Variants in PRKAG3 observed in about 807,000 individuals in gnomAD.
The protein encoded by PRKAG3 is protein kinase AMP-activated non-catalytic subunit gamma 3, also known as 5'-AMP-activated protein kinase subunit gamma-3.
PRKAG3 carries 39 observed loss-of-function variants against 56.5 expected under a neutral mutation model. The ratio of observed to expected loss-of-function variants is 0.69; its 90% CI spans 0.53 to 0.90. PRKAG3 has a LOEUF of 0.90. Ranked by LOEUF, PRKAG3 falls within the 40% of genes least tolerant of loss-of-function variation. The pLI, the probability that PRKAG3 is intolerant of heterozygous loss-of-function variation, is 0.00. For synonymous variants in PRKAG3, 243 were observed against 250.1 expected, an observed-to-expected ratio of 0.97 and a Z score of 0.27; for missense variants, 628 against 627.5, an observed-to-expected ratio of 1.00 and a Z score of -0.01.
Position 218,827,508 on chromosome 2 carries a change from G to A in PRKAG3, c.875+67C>T. ...CCTAGGATGAAGAGGTGAGTTCAGA[G>A]CTGAGTGGGACTGGGGAAGGGGACT... On this transcript the variant is annotated intron_variant, in intron 8 of 12. Coordinates refer to ENST00000529249, the Ensembl canonical transcript of PRKAG3. The surrounding 1 kb of genome is among the most constrained non-coding windows in gnomAD (Gnocchi z 5.3). 1 of 1,600,916 alleles carries A rather than the reference G, an allele frequency of 6.2e-7. No individual in the cohort carries two copies. Among genetic ancestry groups the A allele is most frequent in the Non-Finnish European group, 8.6e-7 (1 of 1,168,284 alleles).
At chr2:218,828,634 C>A (rs770940027) in intron 4 of PRKAG3, 34 bp from the exon 5 acceptor site, 1 of 1,575,626 alleles carries the variant, frequency 6.3e-7, no homozygotes, top group African/African-American at 1.3e-5. Context: ...AAGGGTGGGT[C>A]CCGAGAGACC....
rs777213729 is a variant in PRKAG3 at position 218,827,909 on chromosome 2, G to A, written c.775-31C>T. On this transcript the variant is annotated intron_variant, in intron 6 of 12. Transcript: ENST00000529249. The surrounding 1 kb of genome is among the most constrained non-coding windows in gnomAD (Gnocchi z 5.3). Reference sequence around the variant, plus strand: ...GACATCGACAGGACTCCAGAAGTCAGAAAGACGTGGGCTTCTAGGGCACCA... The same window carrying A: ...GACATCGACAGGACTCCAGAAGTCAAAAAGACGTGGGCTTCTAGGGCACCA... 6.2e-7 allele frequency: 1 copy of A among 1,613,406 alleles called. No individual in the cohort carries two copies. The highest frequency in any genetic ancestry group is 8.5e-7 in the Non-Finnish European group (1 of 1,179,528).
At chr2:218,829,133 T>C (rs16859382) in intron 4 of PRKAG3, among the ~76,000 whole-genome samples, 28,037 of 152,120 alleles carry the variant, frequency 0.18, 8,469 homozygotes, top group African/African-American at 0.63. Context: ...TCACGAACCA[T>C]TAGAATCAAA....
exon 4 of PRKAG3, chr2:218,830,337 T>C: frequency 6.2e-7 from 1 of 1,609,850 alleles, no homozygotes; most frequent in Non-Finnish European, 8.5e-7. Flanking sequence ...TTGGGGAATG[T>C]GGCCTCCAGC....
chr2:218,822,762 A>T, downstream of PRKAG3: 1 of 428,230 alleles, frequency 2.3e-6, no homozygotes, highest in Non-Finnish European at 3.1e-6. Flanking sequence ...GTAGGAGGGC[A>T]GTGGCGACGT....
At chr2:218,830,873 G>A (rs1248154399) in exon 3 of PRKAG3, 8 of 1,613,748 alleles carry the variant, frequency 5.0e-6, no homozygotes, top group Middle Eastern at 1.7e-4. Flanking sequence ...GCCATGAGCT[G>A]CTGTTTTCTT....
At chr2:218,828,180 G>GTCTCA in intron 5 of PRKAG3, 118 bp from the exon 6 acceptor site, 1 of 1,036,814 alleles carries the variant, frequency 9.6e-7, no homozygotes, top group Non-Finnish European at 1.4e-6. Context: ...TGGGGACTGT[G>GTCTCA]GGAACAGGAC....
In PRKAG3 at chr2:218,823,885, G is replaced by A. The variant is rs17848612; in HGVS notation, c.1354-7C>T. ...CTAGCACCAGCCTGTGTACCTGTGG[G>A]TCCGCAATGTTCAGTGAGGGGGCAG... On this transcript the variant is annotated splice_region_variant and splice_polypyrimidine_tract_variant and intron_variant, in intron 12 of 12. Transcript: ENST00000529249. 1.5e-4 allele frequency: 248 copies of A among 1,613,082 alleles called. No individual in the cohort carries two copies. The East Asian group carries it at 4.9e-3, about 32-fold the overall frequency.
In PRKAG3 at chr2:218,827,930, C is replaced by T; in HGVS notation, c.775-52G>A. 2 of 1,610,930 alleles carry T rather than the reference C, an allele frequency of 1.2e-6. No homozygotes were observed. The highest frequency in any genetic ancestry group is 1.1e-5 in the South Asian group (1 of 90,698). On this transcript the variant is annotated intron_variant, in intron 6 of 12. Coordinates refer to ENST00000529249, the Ensembl canonical transcript of PRKAG3. The surrounding 1 kb of genome is among the most constrained non-coding windows in gnomAD (Gnocchi z 5.3). The stretch of plus-strand genomic sequence containing the variant: ...GTCAGAAAGACGTGGGCTTCTAGGG[C>T]ACCAGGCTCCAGGAGGACTCCCCTC...
In PRKAG3 at chr2:218,827,870, G is replaced by GTTGTTCA; in HGVS notation, c.782_783insTGAACAA (p.Tyr262GlufsTer4). The GTTGTTCA allele has an allele frequency of 6.2e-7, 1 of 1,614,072 alleles. No homozygotes were observed. Among genetic ancestry groups the GTTGTTCA allele is most frequent in the Non-Finnish European group, 8.5e-7 (1 of 1,179,992 alleles). On this transcript the variant is annotated frameshift_variant, in exon 7 of 13. Coordinates refer to ENST00000529249, the Ensembl canonical transcript of PRKAG3. LOFTEE classifies it high-confidence loss of function. The surrounding 1 kb of genome is among the most constrained non-coding windows in gnomAD (Gnocchi z 5.3). The stretch of plus-strand genomic sequence containing the variant: ...CAATCTTATGTTGTTCAATCTCATA[G>GTTGTTCA]ATCTGGACCTAGAGACATCGACAGG...
At chr2:218,824,303 C>A (rs149333214) in exon 12 of PRKAG3, 1 of 1,614,044 alleles carries the variant, frequency 6.2e-7, no homozygotes. Context: ...GACATAGTGT[C>A]CTCTGCCTCA....
chr2:218,831,490 C>T (rs1017514947), intron 1 of PRKAG3, 115 bp from the exon 2 acceptor site: 35 of 1,057,622 alleles, frequency 3.3e-5, no homozygotes, highest in African/African-American at 6.4e-5. Flanking sequence ...CTCAGACACA[C>T]GCCATACACA....
At chr2:218,829,845 T>G in intron 4 of PRKAG3, 133 bp downstream of exon 4, 1 of 1,086,048 alleles carries the variant, frequency 9.2e-7, no homozygotes, top group Non-Finnish European at 1.3e-6. Flanking sequence ...GCCTCCATAG[T>G]GCTAAGAAGG....
chr2:218,830,620 C>T lies in PRKAG3; in HGVS notation c.229+126G>A, dbSNP rs73082951. 7,941 of 1,278,556 alleles carry T rather than the reference C, an allele frequency of 6.2e-3. 323 individuals carry two copies. The African/African-American group carries it at 0.095, about 15-fold the overall frequency. 79.2% of individuals were successfully genotyped at this position (1,278,556 alleles called of 1,614,324 possible). On this transcript the variant is annotated intron_variant, in intron 3 of 12. Transcript: ENST00000529249. ...TCTCTACTATGTAGGGAGACTGAGG[C>T]CACAAGATGAAGGTTGGGTCCAACT...
chr2:218,829,481 C>T (rs569653152), intron 4 of PRKAG3, among the ~76,000 whole-genome samples: 3 of 151,704 alleles, frequency 2.0e-5, no homozygotes, highest in Admixed American at 6.6e-5. Flanking sequence ...CCACCACGGC[C>T]GGCTAATTTT....
rs1042217156 is a variant in PRKAG3 at position 218,827,463 on chromosome 2, G to T, written c.876-90C>A. The T allele has an allele frequency of 6.2e-7, 1 of 1,604,578 alleles. No individual in the cohort carries two copies. Among genetic ancestry groups the T allele is most frequent in the African/African-American group, 1.3e-5 (1 of 74,784 alleles). ...CTAAAAAGGAGGGCAGGGCACCAAG[G>T]CTCCCTTGTCTGTGTGCCGCCTAGG... On this transcript the variant is annotated intron_variant, in intron 8 of 12. Coordinates refer to ENST00000529249, the Ensembl canonical transcript of PRKAG3. The surrounding 1 kb of genome is among the most constrained non-coding windows in gnomAD (Gnocchi z 5.3).
rs1943950155 is a variant in PRKAG3 at position 218,827,434 on chromosome 2, G to A, written c.876-61C>T. The A allele has an allele frequency of 3.1e-6, 5 of 1,611,740 alleles. No individual in the cohort carries two copies. In the Admixed American group the frequency reaches 6.7e-5, roughly 21 times the overall value. On this transcript the variant is annotated intron_variant, in intron 8 of 12. Transcript: ENST00000529249. This position sits in a 1 kb window ranked among gnomAD's most constrained non-coding sequence, Gnocchi z 5.3. The stretch of plus-strand genomic sequence containing the variant: ...TAGGGAGAGACAACCTCCATCCCAG[G>A]CCCCTAAAAAGGAGGGCAGGGCACC...
chr2:218,830,372 G>A, exon 4 of PRKAG3: 1 of 1,607,516 alleles, frequency 6.2e-7, no homozygotes, highest in Non-Finnish European at 8.5e-7. Context: ...AGCTGGCCTG[G>A]ACCGGGGACC....
intron 3 of PRKAG3, 25 bp from the exon 4 acceptor site, chr2:218,830,406 G>A (rs1944003515): frequency 1.9e-6 from 3 of 1,598,450 alleles, no homozygotes; most frequent in East Asian, 4.5e-5. Context: ...AGGGGAAGAG[G>A]ACAGTAACTC....
Sources: allele counts gnomAD v4.1 joint callset (sites outside exome capture counted in the v4.1 genomes callset), GRCh38; gene constraint gnomAD v4.1.1; non-coding constraint Gnocchi (gnomAD v3.1); transcripts MANE v1.5; gene names NCBI Gene and HGNC (gene_info 2026-07-23, HGNC 2026-07-21).